Variants in CNTNAP2 observed in about 807,000 individuals in gnomAD.
CNTNAP2 encodes contactin-associated protein-like 2.
In CNTNAP2, 98 loss-of-function variants were observed where a neutral mutation model predicts 155.2. That is an observed-to-expected ratio of 0.63 (90% CI 0.54 to 0.75). CNTNAP2 has a LOEUF of 0.75. Ranked by LOEUF, CNTNAP2 falls within the 30% of genes least tolerant of loss-of-function variation. CNTNAP2 has a pLI of 0.00. For missense variants in CNTNAP2, 1,727 were observed against 1,688.1 expected (o/e 1.02, Z -0.40); for synonymous variants, 651 against 631.2 (o/e 1.03, Z -0.47).
At chr7:146,847,401 G>A (rs1042076537) in intron 3 of CNTNAP2, among the ~76,000 whole-genome samples, 11 of 152,208 alleles carry the variant, frequency 7.2e-5, no homozygotes, top group Middle Eastern at 3.4e-3. Context: ...GTATCTTCAC[G>A]CAGATTCTTT....
At chr7:148,291,535 G>A (rs1023582203) in intron 21 of CNTNAP2, among the ~76,000 whole-genome samples, 2 of 151,992 alleles carry the variant, frequency 1.3e-5, no homozygotes, top group African/African-American at 2.4e-5. Context: ...TTGTATTCTA[G>A]CCGTGCTGGC....
chr7:147,317,269 C>T (rs1272464610), intron 9 of CNTNAP2, among the ~76,000 whole-genome samples: 3 of 152,244 alleles, frequency 2.0e-5, no homozygotes, highest in Non-Finnish European at 2.9e-5. Flanking sequence ...CTATCTTCCA[C>T]TGACTTTGTC....
At chr7:146,788,881 T>C (rs190929776) in intron 2 of CNTNAP2, among the ~76,000 whole-genome samples, 1 of 152,302 alleles carries the variant, frequency 6.6e-6, no homozygotes, top group Admixed American at 6.5e-5. Context: ...TCAGAACTTA[T>C]AATGAAGTAT....
chr7:146,669,602 T>C (rs1051558769), intron 1 of CNTNAP2, among the ~76,000 whole-genome samples: 1 of 152,158 alleles, frequency 6.6e-6, no homozygotes. Context: ...TATCCAACTT[T>C]GGTAATTTTG....
chr7:146,166,072 C>T (rs1292085808), intron 1 of CNTNAP2, among the ~76,000 whole-genome samples: 1 of 152,088 alleles, frequency 6.6e-6, no homozygotes, highest in African/African-American at 2.4e-5. Flanking sequence ...CATTCCCCCA[C>T]CCCTGTTTTT....
At chr7:147,043,353 CTA>C (rs1245372061) in intron 3 of CNTNAP2, among the ~76,000 whole-genome samples, 1 of 152,058 alleles carries the variant, frequency 6.6e-6, no homozygotes, top group East Asian at 1.9e-4. Flanking sequence ...ACAGAATCTT[CTA>C]TAATGAAAAA....
chr7:146,917,144 A>C (rs1796409870), intron 3 of CNTNAP2, among the ~76,000 whole-genome samples: 1 of 151,912 alleles, frequency 6.6e-6, no homozygotes, highest in African/African-American at 2.4e-5. Context: ...TTTCTTTTGG[A>C]GTTGATTTCA....
chr7:146,190,031 C>T (rs554466068), intron 1 of CNTNAP2, among the ~76,000 whole-genome samples: 17 of 151,454 alleles, frequency 1.1e-4, no homozygotes, highest in East Asian at 9.7e-4. Context: ...TGAGAACATA[C>T]GTTCACAGAC....
intron 1 of CNTNAP2, among the ~76,000 whole-genome samples, chr7:146,240,437 A>C (rs1439334128): frequency 6.6e-6 from 1 of 152,000 alleles, no homozygotes; most frequent in Non-Finnish European, 1.5e-5. Context: ...TTCAGAGAAG[A>C]AGCATTCCTC....
intron 9 of CNTNAP2, among the ~76,000 whole-genome samples, chr7:147,332,652 T>C: frequency 6.6e-6 from 1 of 152,080 alleles, no homozygotes. Context: ...TCACAAACTC[T>C]GAAGTTCGAG....
chr7:146,928,471 A>G (rs1169147817), intron 3 of CNTNAP2, among the ~76,000 whole-genome samples: 3 of 152,204 alleles, frequency 2.0e-5, no homozygotes, highest in Admixed American at 6.5e-5. Flanking sequence ...ATGGCCAAAT[A>G]GGAACAGCTC....
chr7:146,350,504 G>A (rs975354308), intron 1 of CNTNAP2, among the ~76,000 whole-genome samples: 4 of 152,006 alleles, frequency 2.6e-5, no homozygotes, highest in Admixed American at 6.5e-5. Context: ...AGTTAGAATG[G>A]CAATCATTAA....
At chr7:146,467,958 G>A (rs1796739074) in intron 1 of CNTNAP2, among the ~76,000 whole-genome samples, 1 of 151,994 alleles carries the variant, frequency 6.6e-6, no homozygotes, top group Admixed American at 6.6e-5. Flanking sequence ...ATTTATTTTG[G>A]GAAAAACTTG....
chr7:146,499,732 G>A lies in CNTNAP2; in HGVS notation c.98-274539G>A, dbSNP rs141133287. On this transcript the variant is annotated intron_variant, in intron 1 of 23. Coordinates refer to ENST00000361727, the MANE Select transcript of CNTNAP2 (RefSeq NM_014141.6). ...CTGTGTTAGTTTGCTGAGAATGATCGTTTCCAGGATTAGCTTTCTAATTCT... is the reference window on the plus strand; with the variant it reads ...CTGTGTTAGTTTGCTGAGAATGATCATTTCCAGGATTAGCTTTCTAATTCT... Among the ~76,000 whole-genome samples the A allele has an allele frequency of 2.2e-4, 34 of 152,176 alleles. 2 individuals are homozygous for A. The South Asian group carries it at 2.3e-3, about 10-fold the overall frequency.
chr7:147,762,188 C>CACACACACA (rs373091416), intron 13 of CNTNAP2, among the ~76,000 whole-genome samples: 1 of 150,262 alleles, frequency 6.7e-6, no homozygotes, highest in Non-Finnish European at 1.5e-5. Context: ...CACACACACA[C>CACACACACA]CATTCGGGTC....
intron 17 of CNTNAP2, among the ~76,000 whole-genome samples, chr7:148,153,224 C>T (rs1224789016): frequency 1.4e-5 from 2 of 138,108 alleles, no homozygotes; most frequent in Non-Finnish European, 3.1e-5. Flanking sequence ...CTCACATGTC[C>T]TTTTGCAAAG....
chr7:146,441,017 A>G (rs1221968877), intron 1 of CNTNAP2, among the ~76,000 whole-genome samples: 1 of 151,480 alleles, frequency 6.6e-6, no homozygotes, highest in African/African-American at 2.5e-5. Flanking sequence ...AACTTGTCCT[A>G]CAAGTCTAAA....
At chr7:147,934,998 T>C (rs1800578756) in intron 14 of CNTNAP2, among the ~76,000 whole-genome samples, 1 of 152,194 alleles carries the variant, frequency 6.6e-6, no homozygotes, top group South Asian at 2.1e-4. Flanking sequence ...ATTTAATTAA[T>C]GAATTTTAAA....
At chr7:148,049,245 A>C (rs149440467) in intron 15 of CNTNAP2, among the ~76,000 whole-genome samples, 3 of 152,290 alleles carry the variant, frequency 2.0e-5, no homozygotes, top group Non-Finnish European at 4.4e-5. Context: ...TGGCTAAGTC[A>C]GTAGTGAAAC....
Sources: gnomAD v4.1 joint callset for allele counts (sites outside exome capture counted in the v4.1 genomes callset) on GRCh38, gnomAD v4.1.1 for gene constraint, MANE v1.5 for transcripts, NCBI Gene and HGNC (gene_info 2026-07-23, HGNC 2026-07-21) for gene names.